CCNH: variants seen among roughly 807,000 people sequenced by gnomAD.
CCNH encodes cyclin-H.
Under a neutral mutation model 41.9 loss-of-function variants are expected in CCNH, and 31 were observed. The observed-to-expected ratio is 0.74, with a 90% CI of 0.56 to 1.00. The LOEUF is 1.00. CCNH is among the 50% of genes least tolerant of loss of function. The probability of loss-of-function intolerance (pLI) is 0.00; values close to 1 mark genes in which losing one functional copy is unlikely to be tolerated. For missense variants in CCNH, 362 were observed against 388.4 expected (o/e 0.93, Z 0.57); for synonymous variants, 138 against 136.1 (o/e 1.01, Z -0.10).
At chr5:87,374,436 T>C, downstream of CCNH, 1 of 560,658 alleles carries the variant, frequency 1.8e-6, no homozygotes, top group Non-Finnish European at 2.9e-6. Context: ...CCAGGTGTTC[T>C]AATAGCATAT....
intron 8 of CCNH, 102 bp downstream of exon 8, chr5:87,394,942 C>A (rs752349158): frequency 3.8e-6 from 6 of 1,571,652 alleles, no homozygotes; most frequent in Non-Finnish European, 5.2e-6. Context: ...AAACCCACAA[C>A]TCTATAATGC....
Position 87,331,344 on chromosome 5 carries a change from C to G in CCNH, c.*91-12447G>C. Reference sequence around the variant, plus strand: ...TTGTAATATCTTCTCTGTTTTTCCCCTAGGTGGTATCACGGAAAACTTGAC... The same window carrying G: ...TTGTAATATCTTCTCTGTTTTTCCCGTAGGTGGTATCACGGAAAACTTGAC... On this transcript the variant is annotated intron_variant and NMD_transcript_variant, in intron 9 of 9. Coordinates refer to the CCNH transcript ENST00000645953. The G allele has an allele frequency of 1.3e-6, 2 of 1,599,662 alleles. No homozygotes were observed. The highest frequency in any genetic ancestry group is 1.3e-5 in the African/African-American group (1 of 74,658).
chr5:87,376,696 T>G, exon 1 of CCNH: 2 of 1,311,588 alleles, frequency 1.5e-6, no homozygotes, highest in East Asian at 2.5e-5. Flanking sequence ...ATTTTAAACC[T>G]TGTTTTATAC....
intron 9 of CCNH, among the ~76,000 whole-genome samples, chr5:87,370,587 AG>A (rs1760857434): frequency 6.6e-6 from 1 of 152,202 alleles, no homozygotes; most frequent in African/African-American, 2.4e-5. Flanking sequence ...GCATTAGCAC[AG>A]GAGTTTGAGT....
downstream of CCNH, chr5:87,391,781 A>ATCTTTGAACTTCTGACTACTTGT (rs1223655431): frequency 4.3e-6 from 1 of 231,874 alleles, no homozygotes; most frequent in African/African-American, 2.2e-5. Context: ...TAACTTATCC[A>ATCTTTGAACTTCTGACTACTTGT]TCTTTGAACT....
intron 6 of CCNH, 92 bp downstream of exon 6, chr5:87,401,608 ATC>A (rs1203076366): frequency 1.0e-5 from 8 of 768,828 alleles, no homozygotes; most frequent in Non-Finnish European, 1.7e-5. Context: ...CTAAACAAAA[ATC>A]TGTTATATTT....
intron 9 of CCNH, chr5:87,385,309 T>C (rs767261991): frequency 1.2e-6 from 2 of 1,606,260 alleles, no homozygotes; most frequent in East Asian, 2.2e-5. Flanking sequence ...AGATTCTCCA[T>C]CTCCTATTGC....
At chr5:87,391,878 CA>C (rs1249935952), downstream of CCNH, 6 of 229,966 alleles carry the variant, frequency 2.6e-5, no homozygotes, top group Non-Finnish European at 1.7e-5. Flanking sequence ...GAAGTATTCA[CA>C]AAGGTTAAGT....
intron 9 of CCNH, among the ~76,000 whole-genome samples, chr5:87,323,302 A>G (rs542368330): frequency 1.5e-4 from 23 of 152,320 alleles, no homozygotes; most frequent in African/African-American, 5.3e-4. Context: ...ACATTGCCTA[A>G]CGCATAATAG....
intron 2 of CCNH, 130 bp from the exon 3 acceptor site, chr5:87,409,493 A>G (rs929117494): frequency 5.7e-6 from 3 of 529,602 alleles, no homozygotes; most frequent in Non-Finnish European, 1.0e-5. Context: ...ATACTCATTA[A>G]TTCTTCTTTA....
chr5:87,378,498 A>T (rs1355032296), upstream of CCNH: 1 of 1,611,906 alleles, frequency 6.2e-7, no homozygotes, highest in Non-Finnish European at 8.5e-7. Context: ...GCTTTGAAAG[A>T]CTCTATTTTA....
At chr5:87,355,175 A>G (rs949844181) in intron 9 of CCNH, among the ~76,000 whole-genome samples, 14 of 152,198 alleles carry the variant, frequency 9.2e-5, no homozygotes, top group Admixed American at 8.5e-4. Context: ...GCTAAACAAC[A>G]GATTTTCAGT....
chr5:87,402,917 A>T, intron 5 of CCNH, among the ~76,000 whole-genome samples: 1 of 152,124 alleles, frequency 6.6e-6, no homozygotes, highest in Admixed American at 6.5e-5. Flanking sequence ...GAAGTTAGCA[A>T]CTCTTAACCT....
chr5:87,354,148 G>A (rs780970535), intron 9 of CCNH, among the ~76,000 whole-genome samples: 2 of 151,904 alleles, frequency 1.3e-5, no homozygotes, highest in African/African-American at 2.4e-5. Context: ...GGGGTGGGGT[G>A]GGAGGTGAGG....
intron 1 of CCNH, chr5:87,412,470 G>A: frequency 2.1e-6 from 3 of 1,414,258 alleles, no homozygotes; most frequent in Non-Finnish European, 2.8e-6. Context: ...CTGGTTACTT[G>A]TCTGCCATTC....
downstream of CCNH, chr5:87,392,967 T>C (rs1318083221): frequency 6.6e-6 from 1 of 151,994 alleles, no homozygotes; most frequent in East Asian, 1.9e-4. Flanking sequence ...CTAGCAGCAA[T>C]ATATTTAACT....
intron 1 of CCNH, chr5:87,412,370 T>G: frequency 9.1e-7 from 1 of 1,099,982 alleles, no homozygotes; most frequent in Non-Finnish European, 1.1e-6. Context: ...GGAAAAACCT[T>G]CCCCAACATC....
At chr5:87,349,651 G>A (rs538298267) in intron 9 of CCNH, among the ~76,000 whole-genome samples, 1 of 151,898 alleles carries the variant, frequency 6.6e-6, no homozygotes, top group African/African-American at 2.4e-5. Context: ...GTTATCTGTA[G>A]GAGGAGCAAA....
intron 7 of CCNH, among the ~76,000 whole-genome samples, chr5:87,395,952 A>G (rs1408324221): frequency 6.6e-6 from 1 of 151,934 alleles, no homozygotes; most frequent in Non-Finnish European, 1.5e-5. Flanking sequence ...TATATCATAT[A>G]TAAATAATAT....
Sources: allele counts gnomAD v4.1 joint callset (sites outside exome capture counted in the v4.1 genomes callset), GRCh38; gene constraint gnomAD v4.1.1; transcripts MANE v1.5; gene names NCBI Gene and HGNC (gene_info 2026-07-23, HGNC 2026-07-21).